The following USP25 variants were observed in gnomAD, a reference collection of about 807,000 sequenced individuals.
USP25 encodes ubiquitin carboxyl-terminal hydrolase 25.
In USP25, 85 loss-of-function variants were observed where a neutral mutation model predicts 158.5. The observed-to-expected ratio is 0.54, with a 90% confidence interval of 0.45 to 0.64. The LOEUF (loss-of-function observed/expected upper bound fraction) is 0.64, where lower values mean the gene tolerates loss of function less well. USP25 is among the 30% of genes least tolerant of loss of function. The pLI, the probability that USP25 is intolerant of heterozygous loss-of-function variation, is 0.00. For synonymous variants in USP25, 464 were observed against 460.4 expected (o/e 1.01, Z -0.10); for missense variants, 1,242 against 1,327.3 (o/e 0.94, Z 1.00).
rs2038389078 is a variant in USP25 at position 15,842,549 on chromosome 21, T to A, written c.2337+9T>A. ...AAACAGTTTTGCAGTCGGTAAGAAC[T>A]TTTCTTTTGGCTCTCTGAACATAGC... is the stretch of plus-strand genomic sequence containing the variant. On this transcript the variant is annotated intron_variant, in intron 18 of 25. Transcript: ENST00000400183. The A allele has an allele frequency of 1.2e-6, 2 of 1,612,478 alleles. No individual in the cohort carries two copies. The highest frequency in any genetic ancestry group is 1.3e-5 in the African/African-American group (1 of 74,806).
chr21:15,813,605 G>T (rs1171308438), intron 9 of USP25, among the ~76,000 whole-genome samples: 1 of 151,814 alleles, frequency 6.6e-6, no homozygotes, highest in Non-Finnish European at 1.5e-5. Flanking sequence ...TTTTTTCTTG[G>T]CTTTTGAGCT....
chr21:15,861,891 A>G (rs75859184), intron 20 of USP25, among the ~76,000 whole-genome samples: 1 of 152,130 alleles, frequency 6.6e-6, no homozygotes, highest in African/African-American at 2.4e-5. Flanking sequence ...AAACACCTAT[A>G]TACTGAAAAA....
At chr21:15,785,388 G>A (rs562584327) in intron 4 of USP25, among the ~76,000 whole-genome samples, 11 of 152,232 alleles carry the variant, frequency 7.2e-5, no homozygotes, top group Non-Finnish European at 1.5e-4. Flanking sequence ...TACAGAACAT[G>A]AACAGCCGCA....
At chr21:15,817,222 G>A (rs1819634505) in intron 9 of USP25, among the ~76,000 whole-genome samples, 1 of 151,020 alleles carries the variant, frequency 6.6e-6, no homozygotes, top group African/African-American at 2.4e-5. Context: ...GTTCATGCCA[G>A]AATTCTGTTA....
At chr21:15,855,641 A>G (rs1392331893) in intron 20 of USP25, among the ~76,000 whole-genome samples, 3 of 152,196 alleles carry the variant, frequency 2.0e-5, no homozygotes, top group Non-Finnish European at 4.4e-5. Context: ...GTACATTTGT[A>G]GCCTGAGTTT....
At chr21:15,768,391 C>T (rs1471117121) in intron 3 of USP25, among the ~76,000 whole-genome samples, 1 of 151,998 alleles carries the variant, frequency 6.6e-6, no homozygotes, top group African/African-American at 2.4e-5. Flanking sequence ...AATACTTTTC[C>T]ATTAAACATT....
At chr21:15,771,691 T>C (rs200032241) in intron 3 of USP25, among the ~76,000 whole-genome samples, 1 of 150,462 alleles carries the variant, frequency 6.6e-6, no homozygotes, top group South Asian at 2.1e-4. Context: ...TCTTTTTTTT[T>C]CCTTTTAATA....
intron 3 of USP25, among the ~76,000 whole-genome samples, chr21:15,769,609 T>G (rs1168288123): frequency 1.3e-5 from 2 of 152,112 alleles, no homozygotes; most frequent in African/African-American, 4.8e-5. Context: ...ATACCCGGTA[T>G]TGAGCATTAT....
In USP25 at chr21:15,806,011, GC is replaced by G. The variant is rs2036369841; in HGVS notation, c.780+754del. Among the ~76,000 whole-genome samples the G allele has an allele frequency of 2.0e-5, 3 of 152,160 alleles. No individual in the cohort carries two copies. In the South Asian group the frequency reaches 6.2e-4, roughly 31 times the overall value. ...GAGATTCTCTCACCATCTTCCTTGT[GC>G]TTTTTGTTTCTGCTTTACATTTACC... On this transcript the variant is annotated intron_variant, in intron 7 of 25. Coordinates refer to ENST00000400183, the MANE Select transcript of USP25 (RefSeq NM_001283041.3).
chr21:15,771,439 G>A (rs1278135453), intron 3 of USP25, among the ~76,000 whole-genome samples: 1 of 152,252 alleles, frequency 6.6e-6, no homozygotes, highest in Non-Finnish European at 1.5e-5. Context: ...ATACCTGAGC[G>A]AAGTGTGAGC....
intron 7 of USP25, 33 bp downstream of exon 7, chr21:15,805,291 A>T (rs1272811138): frequency 1.3e-6 from 2 of 1,546,900 alleles, no homozygotes; most frequent in Non-Finnish European, 1.7e-6. Context: ...TTCATTAACC[A>T]TTTGTATTTA....
intron 9 of USP25, 64 bp downstream of exon 9, chr21:15,811,274 G>T (rs888091638): frequency 4.9e-6 from 7 of 1,418,580 alleles, no homozygotes; most frequent in East Asian, 2.3e-5. Flanking sequence ...CATTCGTCTC[G>T]ATAGTTACTA....
At chr21:15,868,057 A>G (rs2039733126) in intron 22 of USP25, among the ~76,000 whole-genome samples, 1 of 152,202 alleles carries the variant, frequency 6.6e-6, no homozygotes. Flanking sequence ...CATCTCTGAC[A>G]AGCAAGTTAG....
intron 7 of USP25, 182 bp downstream of exon 7, chr21:15,805,440 A>G: frequency 2.0e-6 from 1 of 494,094 alleles, no homozygotes. Flanking sequence ...AGGTGTTAAA[A>G]TAAAGTTTTA....
intron 1 of USP25, among the ~76,000 whole-genome samples, chr21:15,736,033 G>A (rs1266621781): frequency 1.3e-5 from 2 of 149,862 alleles, no homozygotes; most frequent in East Asian, 3.9e-4. Context: ...TATGTATGTA[G>A]ACATGCCATT....
At chr21:15,819,032 A>G (rs1236135700) in intron 10 of USP25, among the ~76,000 whole-genome samples, 186 bp downstream of exon 10, 2 of 152,200 alleles carry the variant, frequency 1.3e-5, no homozygotes, top group East Asian at 1.9e-4. Context: ...CCTATAATCT[A>G]TGTCAAATTC....
At position 15,780,821 on chromosome 21, in the gene USP25, G is replaced by A. The variant is rs572673799; in HGVS notation, c.392+2794G>A. ...CTGTGAAGGGGAACTGTCTAAAGAT[G>A]GTGTGTGAAACAGGAGTGGATGAGG... On this transcript the variant is annotated intron_variant, in intron 4 of 25. Coordinates refer to ENST00000400183, the MANE Select transcript of USP25 (RefSeq NM_001283041.3). Among the ~76,000 whole-genome samples the A allele has an allele frequency of 3.9e-5, 6 of 152,222 alleles. No individual in the cohort carries two copies. In the East Asian group the frequency reaches 7.7e-4, roughly 20 times the overall value.
chr21:15,733,122 C>T (rs2031104435), intron 1 of USP25, among the ~76,000 whole-genome samples: 1 of 83,034 alleles, frequency 1.2e-5, no homozygotes, highest in South Asian at 5.9e-4. Flanking sequence ...AATGAGGATA[C>T]TCCACGGCGC....
At chr21:15,861,437 T>C (rs2039423309) in intron 20 of USP25, among the ~76,000 whole-genome samples, 1 of 152,206 alleles carries the variant, frequency 6.6e-6, no homozygotes, top group African/African-American at 2.4e-5. Context: ...CATTGCAGTG[T>C]CTGTGATAAT....
Sources: gnomAD v4.1 joint callset for allele counts (sites outside exome capture counted in the v4.1 genomes callset) on GRCh38, gnomAD v4.1.1 for gene constraint, MANE v1.5 for transcripts, NCBI Gene and HGNC (gene_info 2026-07-23, HGNC 2026-07-21) for gene names.